Variants in MCTP1 observed in about 807,000 individuals in gnomAD.
MCTP1 encodes multiple C2 and transmembrane domain-containing protein 1.
Under a neutral mutation model 120.6 loss-of-function variants are expected in MCTP1, and 69 were observed. The ratio of observed to expected loss-of-function variants is 0.57; its 90% CI spans 0.47 to 0.70. The LOEUF (loss-of-function observed/expected upper bound fraction) is 0.70. Ranked by LOEUF, MCTP1 falls within the 30% of genes least tolerant of loss-of-function variation. The pLI is 0.00. For synonymous variants in MCTP1, 529 were observed against 493.1 expected (o/e 1.07, Z -0.96); for missense variants, 1,203 against 1,248.8 (o/e 0.96, Z 0.55).
rs561193016 is a variant in MCTP1 at position 94,751,901 on chromosome 5, T to G, written c.2610+27209A>C. ...CATGTTCTCACTCATAGATGGGAATTGAACAATGAGAACACATGGACACAG... is the reference window on the plus strand; with the variant it reads ...CATGTTCTCACTCATAGATGGGAATGGAACAATGAGAACACATGGACACAG... On this transcript the variant is annotated intron_variant, in intron 19 of 22. Transcript: ENST00000515393. 6.3e-5 allele frequency among the ~76,000 whole-genome samples: 9 copies of G among 141,748 alleles called. No individual in the cohort carries two copies. In the East Asian group the frequency reaches 1.9e-3, roughly 30 times the overall value. The allele number at this position is 141,748 out of a possible 152,430, so 93.0% of individuals were successfully genotyped here.
intron 1 of MCTP1, among the ~76,000 whole-genome samples, chr5:95,060,940 CAAAA>C (rs34418928): frequency 8.5e-6 from 1 of 117,020 alleles, no homozygotes. Context: ...TGCCACTCCA[CAAAA>C]AAAAAAAAAA....
At chr5:95,084,917 G>C (rs1021834482) in intron 1 of MCTP1, among the ~76,000 whole-genome samples, 4 of 152,078 alleles carry the variant, frequency 2.6e-5, no homozygotes, top group Middle Eastern at 3.2e-3. Flanking sequence ...AAGGTGCTTA[G>C]AGTCTGAAGC....
At chr5:94,817,887 C>T (rs891710581) in intron 17 of MCTP1, among the ~76,000 whole-genome samples, 4 of 152,046 alleles carry the variant, frequency 2.6e-5, no homozygotes, top group African/African-American at 7.2e-5. Flanking sequence ...GGAAACCCTC[C>T]CCCACTTTTA....
chr5:94,750,075 G>A (rs902809725), intron 19 of MCTP1, among the ~76,000 whole-genome samples: 13 of 152,222 alleles, frequency 8.5e-5, no homozygotes, highest in African/African-American at 2.4e-4. Flanking sequence ...CTTGCTGAAT[G>A]AGAAAAAGAC....
At chr5:95,052,970 T>TA (rs1746409972) in intron 1 of MCTP1, among the ~76,000 whole-genome samples, 1 of 152,220 alleles carries the variant, frequency 6.6e-6, no homozygotes, top group African/African-American at 2.4e-5. Flanking sequence ...AAGCACTTTA[T>TA]ACCCCTTTAC....
intron 10 of MCTP1, among the ~76,000 whole-genome samples, chr5:94,902,614 A>G (rs1805817009): frequency 6.6e-6 from 1 of 152,236 alleles, no homozygotes; most frequent in South Asian, 2.1e-4. Flanking sequence ...CATTTGCATA[A>G]TATAACATCT....
chr5:95,203,682 A>G (rs1751316654), intron 1 of MCTP1, among the ~76,000 whole-genome samples: 1 of 152,258 alleles, frequency 6.6e-6, no homozygotes, highest in African/African-American at 2.4e-5. Flanking sequence ...AAAGAAAGCC[A>G]GTAAAACAAA....
At chr5:94,799,245 G>T in intron 17 of MCTP1, 113 bp from the exon 18 acceptor site, 2 of 930,616 alleles carry the variant, frequency 2.1e-6, no homozygotes, top group Non-Finnish European at 1.6e-6. Context: ...AGAACAGGAA[G>T]ATTTATCTTG....
At chr5:94,803,817 G>A (rs1781702427) in intron 17 of MCTP1, among the ~76,000 whole-genome samples, 1 of 152,172 alleles carries the variant, frequency 6.6e-6, no homozygotes, top group South Asian at 2.1e-4. Flanking sequence ...ACTGAGTACA[G>A]TGATGACCCC....
chr5:94,724,068 C>T (rs771276445), intron 19 of MCTP1, among the ~76,000 whole-genome samples: 4 of 152,110 alleles, frequency 2.6e-5, no homozygotes, highest in Non-Finnish European at 5.9e-5. Context: ...GACATAAAGT[C>T]AAGACAGAAA....
chr5:95,116,560 T>TA (rs1183737881), intron 1 of MCTP1, among the ~76,000 whole-genome samples: 1 of 151,410 alleles, frequency 6.6e-6, no homozygotes, highest in Non-Finnish European at 1.5e-5. Flanking sequence ...TTTTTTTTTT[T>TA]AATTCTGTGA....
chr5:95,219,382 A>C (rs923873418), intron 1 of MCTP1, among the ~76,000 whole-genome samples: 6 of 74,194 alleles, frequency 8.1e-5, no homozygotes, highest in Non-Finnish European at 1.7e-4. Context: ...ACTCCATCTC[A>C]AAAAAAAAAA....
At chr5:95,060,775 C>G (rs983087540) in intron 1 of MCTP1, among the ~76,000 whole-genome samples, 1 of 152,008 alleles carries the variant, frequency 6.6e-6, no homozygotes, top group Non-Finnish European at 1.5e-5. Context: ...AGTTTGAGAA[C>G]AGCCTGGCCA....
At chr5:94,979,923 G>A (rs1375499938) in intron 2 of MCTP1, among the ~76,000 whole-genome samples, 8 of 152,034 alleles carry the variant, frequency 5.3e-5, no homozygotes. Context: ...TGATTATATT[G>A]TTTGGTGCTA....
chr5:95,229,139 A>G (rs942969094), intron 1 of MCTP1, among the ~76,000 whole-genome samples: 9 of 152,188 alleles, frequency 5.9e-5, no homozygotes, highest in African/African-American at 2.2e-4. Context: ...AGAACAAGCA[A>G]TTTTACCTAA....
chr5:94,814,849 C>T (rs942422968), intron 17 of MCTP1, among the ~76,000 whole-genome samples: 3 of 152,112 alleles, frequency 2.0e-5, no homozygotes, highest in Non-Finnish European at 2.9e-5. Flanking sequence ...CTGAAGAAAG[C>T]ACTACTGGAT....
intron 1 of MCTP1, among the ~76,000 whole-genome samples, chr5:95,058,673 T>A (rs1335837260): frequency 6.6e-6 from 1 of 152,220 alleles, no homozygotes; most frequent in African/African-American, 2.4e-5. Flanking sequence ...GAGGTATGGA[T>A]AAAGGTGTCC....
chr5:95,175,595 C>T (rs185967102), intron 1 of MCTP1, among the ~76,000 whole-genome samples: 63 of 152,320 alleles, frequency 4.1e-4, no homozygotes, highest in Non-Finnish European at 7.9e-4. Context: ...CAGAAAAATC[C>T]ACTTGCAAAT....
chr5:94,777,927 CGTGTGTGT>C (rs71615135), intron 19 of MCTP1, among the ~76,000 whole-genome samples: 188 of 148,914 alleles, frequency 1.3e-3, no homozygotes, highest in Admixed American at 5.4e-3. Flanking sequence ...AGAAAGTGTG[CGTGTGTGT>C]GTGTGTGTGT....
Sources: allele counts gnomAD v4.1 joint callset (sites outside exome capture counted in the v4.1 genomes callset), GRCh38; gene constraint gnomAD v4.1.1; transcripts MANE v1.5; gene names NCBI Gene and HGNC (gene_info 2026-07-23, HGNC 2026-07-21).